TMT1A: variants seen among roughly 807,000 people sequenced by gnomAD.
TMT1A encodes the protein thiol methyltransferase 1A, also known as thiol S-methyltransferase TMT1A.
At chr12:50,926,687 T>C in the TMT1A span, among the ~76,000 whole-genome samples, 3 of 152,224 alleles carry the variant, frequency 2.0e-5, no homozygotes, top group Non-Finnish European at 2.9e-5. Flanking sequence ...AGCCACAGAA[T>C]GTTAGGTAGA....
chr12:50,926,310 T>G, the TMT1A span, among the ~76,000 whole-genome samples: 10 of 152,334 alleles, frequency 6.6e-5, no homozygotes, highest in Non-Finnish European at 1.2e-4. Context: ...TAATTTTACC[T>G]ATTATACTGT....
chr12:50,930,527 C>T, the TMT1A span: 7 of 158,928 alleles, frequency 4.4e-5, no homozygotes, highest in South Asian at 1.3e-3. Context: ...ATCCACCCAC[C>T]TCAGCCTCCC....
At chr12:50,925,262 T>G in the TMT1A span, 4 of 1,614,224 alleles carry the variant, frequency 2.5e-6, no homozygotes, top group Non-Finnish European at 3.4e-6. Context: ...CTCTCCCTGC[T>G]GGAAGTGGGC....
the TMT1A span, among the ~76,000 whole-genome samples, chr12:50,928,200 T>C: frequency 5.3e-5 from 8 of 152,188 alleles, no homozygotes; most frequent in Non-Finnish European, 8.8e-5. Flanking sequence ...GATTTCAACA[T>C]TGCTATCACT....
At chr12:50,930,274 GTTTTTT>G in the TMT1A span, 28 of 522,510 alleles carry the variant, frequency 5.4e-5, no homozygotes, top group Non-Finnish European at 8.8e-5. Flanking sequence ...TTTGTTGTTG[GTTTTTT>G]TTTTTTTTTT....
At chr12:50,926,821 A>G in the TMT1A span, among the ~76,000 whole-genome samples, 5,143 of 152,294 alleles carry the variant, frequency 0.034, 286 homozygotes, top group African/African-American at 0.12. Flanking sequence ...ATGGGATTGG[A>G]TTCAGGGAAA....
chr12:50,926,378 A>G, the TMT1A span, among the ~76,000 whole-genome samples: 67 of 152,332 alleles, frequency 4.4e-4, no homozygotes, highest in South Asian at 1.0e-3. Flanking sequence ...ACTGGACACC[A>G]CCATACACAT....
At chr12:50,927,807 C>G in the TMT1A span, among the ~76,000 whole-genome samples, 1 of 152,064 alleles carries the variant, frequency 6.6e-6, no homozygotes, top group African/African-American at 2.4e-5. Context: ...GTAGACATGG[C>G]TCTCTTTAAT....
the TMT1A span, among the ~76,000 whole-genome samples, chr12:50,929,431 G>A: frequency 1.3e-5 from 2 of 152,166 alleles, 1 homozygote; most frequent in Admixed American, 1.3e-4. Flanking sequence ...ATTTTGTGAG[G>A]TGACTGTCTG....
At chr12:50,926,518 G>A in the TMT1A span, among the ~76,000 whole-genome samples, 3 of 152,148 alleles carry the variant, frequency 2.0e-5, no homozygotes, top group African/African-American at 7.2e-5. Flanking sequence ...GCACAAACTG[G>A]AAATAACTGA....
the TMT1A span, chr12:50,925,225 CA>C: frequency 6.2e-6 from 10 of 1,614,218 alleles, no homozygotes; most frequent in Non-Finnish European, 8.5e-6. Context: ...CAGTAACCTG[CA>C]GGAGTTTGCG....
At chr12:50,929,245 AAATG>A in the TMT1A span, among the ~76,000 whole-genome samples, 2 of 152,190 alleles carry the variant, frequency 1.3e-5, no homozygotes, top group South Asian at 4.1e-4. Flanking sequence ...AAGAAATAAT[AAATG>A]AATAAATAAA....
At chr12:50,930,423 G>C in the TMT1A span, 6 of 255,704 alleles carry the variant, frequency 2.3e-5, no homozygotes, top group African/African-American at 4.5e-5. Flanking sequence ...GGGATTACAG[G>C]TGCCCACCAC....
the TMT1A span, chr12:50,930,372 C>T: frequency 1.4e-5 from 5 of 365,660 alleles, no homozygotes; most frequent in African/African-American, 4.3e-5. Flanking sequence ...CTCCACCTCG[C>T]GGGTTTAAGC....
At chr12:50,925,450 G>T in the TMT1A span, 1 of 1,614,256 alleles carries the variant, frequency 6.2e-7, no homozygotes, top group Non-Finnish European at 8.5e-7. Flanking sequence ...TGATGGCTCT[G>T]TGGATGTGGT....
At chr12:50,925,080 C>G in the TMT1A span, 3 of 1,614,174 alleles carry the variant, frequency 1.9e-6, no homozygotes, top group Non-Finnish European at 2.5e-6. Flanking sequence ...CCATTTACAT[C>G]CTGACATTTC....
At chr12:50,927,246 C>G in the TMT1A span, among the ~76,000 whole-genome samples, 1 of 152,108 alleles carries the variant, frequency 6.6e-6, no homozygotes, top group African/African-American at 2.4e-5. Context: ...AGGCTGGTCT[C>G]AAACTCCTGG....
the TMT1A span, among the ~76,000 whole-genome samples, chr12:50,926,748 A>G: frequency 0.47 from 70,685 of 151,530 alleles, 17,574 homozygotes; most frequent in African/African-American, 0.64. Context: ...GGAGATACAT[A>G]TATGTGTATA....
chr12:50,925,317 G>A, the TMT1A span: 2 of 1,614,096 alleles, frequency 1.2e-6, no homozygotes, highest in Admixed American at 1.7e-5. Context: ...CTGGGTGCAG[G>A]GTGACCTGTA....
Sources: gnomAD v4.1 joint callset for allele counts (sites outside exome capture counted in the v4.1 genomes callset) on GRCh38, gnomAD v4.1.1 for gene constraint, MANE v1.5 for transcripts, NCBI Gene and HGNC (gene_info 2026-07-23, HGNC 2026-07-21) for gene names.